Variants in DLG2 observed in about 807,000 individuals in gnomAD.
DLG2 encodes the protein discs large MAGUK scaffold protein 2, also known as disks large homolog 2.
Under a neutral mutation model 132.5 loss-of-function variants are expected in DLG2, and 45 were observed. That is an observed-to-expected ratio of 0.34 (90% CI 0.27 to 0.44). DLG2 has a LOEUF of 0.44. DLG2 is among the 20% of genes least tolerant of loss of function. DLG2 has a pLI of 1.00. For missense variants in DLG2, 1,045 were observed against 1,196.9 expected, an observed-to-expected ratio of 0.87 and a Z score of 1.87; for synonymous variants, 424 against 419.6, an observed-to-expected ratio of 1.01 and a Z score of -0.13.
Position 84,402,129 on chromosome 11 carries a change from G to C in DLG2, c.519+132441C>G, listed in dbSNP as rs114168481. ...TGGCTTAATCAAAAATTAAATACCTGAAAATGTTTTCCATCAAGAGAAATT... is the reference window on the plus strand; with the variant it reads ...TGGCTTAATCAAAAATTAAATACCTCAAAATGTTTTCCATCAAGAGAAATT... On this transcript the variant is annotated intron_variant, in intron 7 of 27. Coordinates refer to ENST00000376104, the MANE Select transcript of DLG2 (RefSeq NM_001142699.3). 1.8e-3 allele frequency among the ~76,000 whole-genome samples: 280 copies of C among 152,266 alleles called. 1 individual carries two copies. The highest frequency in any genetic ancestry group is 6.8e-3 in the Middle Eastern group (2 of 294).
At chr11:83,571,982 T>C (rs979468233) in intron 19 of DLG2, among the ~76,000 whole-genome samples, 1 of 152,062 alleles carries the variant, frequency 6.6e-6, no homozygotes, top group Non-Finnish European at 1.5e-5. Context: ...ACTCTCTGTA[T>C]GGTGTGATTC....
chr11:84,827,010 C>T (rs989081043), intron 6 of DLG2, among the ~76,000 whole-genome samples: 1 of 151,696 alleles, frequency 6.6e-6, no homozygotes, highest in East Asian at 2.0e-4. Context: ...TAACAAAACT[C>T]AATTTTTTTA....
At chr11:84,432,338 TATG>T (rs2098987178) in intron 7 of DLG2, among the ~76,000 whole-genome samples, 1 of 152,174 alleles carries the variant, frequency 6.6e-6, no homozygotes, top group Admixed American at 6.5e-5. Flanking sequence ...AGGTACAAGG[TATG>T]ATGACAGAGA....
At chr11:83,956,436 C>T (rs2086858746) in intron 14 of DLG2, among the ~76,000 whole-genome samples, 1 of 152,220 alleles carries the variant, frequency 6.6e-6, no homozygotes, top group Admixed American at 6.5e-5. Context: ...GCACCCTCAC[C>T]TGGATGCCAC....
intron 3 of DLG2, among the ~76,000 whole-genome samples, chr11:85,581,394 C>T (rs1037970157): frequency 6.6e-6 from 1 of 151,918 alleles, no homozygotes; most frequent in East Asian, 1.9e-4. Flanking sequence ...AGACAGATTG[C>T]CTGCACTCAG....
At chr11:84,554,681 G>C (rs1372288487) in intron 6 of DLG2, among the ~76,000 whole-genome samples, 1 of 152,072 alleles carries the variant, frequency 6.6e-6, no homozygotes, top group Non-Finnish European at 1.5e-5. Flanking sequence ...AGGATGGGGA[G>C]GTTGCGGTGA....
chr11:84,974,111 G>T (rs1051966391), intron 6 of DLG2, among the ~76,000 whole-genome samples: 1 of 152,148 alleles, frequency 6.6e-6, no homozygotes, highest in Non-Finnish European at 1.5e-5. Context: ...GAAAGCCAAG[G>T]GTGCAGGTTG....
intron 4 of DLG2, among the ~76,000 whole-genome samples, chr11:85,191,986 G>A (rs2080619576): frequency 6.6e-6 from 1 of 152,024 alleles, no homozygotes; most frequent in Admixed American, 6.5e-5. Context: ...ATGTATTATT[G>A]CTATTTTACA....
At chr11:83,861,783 T>C (rs1052821903) in intron 16 of DLG2, among the ~76,000 whole-genome samples, 1 of 151,982 alleles carries the variant, frequency 6.6e-6, no homozygotes, top group Non-Finnish European at 1.5e-5. Flanking sequence ...CTAAAATAAA[T>C]AGAAAGAATG....
chr11:83,714,554 C>G (rs1378188928), intron 18 of DLG2, among the ~76,000 whole-genome samples: 1 of 152,126 alleles, frequency 6.6e-6, no homozygotes, highest in Admixed American at 6.5e-5. Context: ...GAATGTCAGT[C>G]AGAGAAGCCA....
intron 3 of DLG2, among the ~76,000 whole-genome samples, chr11:85,423,527 T>G (rs988160162): frequency 6.6e-6 from 1 of 151,438 alleles, no homozygotes; most frequent in East Asian, 1.9e-4. Flanking sequence ...GTTAACAGGG[T>G]GGGTAGGGAA....
rs1053682900 is a variant in DLG2, at chr11:83,795,416, A to T, written c.1723-8624T>A. On this transcript the variant is annotated intron_variant, in intron 17 of 27. Coordinates refer to ENST00000376104, the MANE Select transcript of DLG2 (RefSeq NM_001142699.3). ...GAGTGAGACTCTTTATAAGAAAAAA[A>T]ATATCTATATCTATATCTATATCTA... 5.2e-4 allele frequency among the ~76,000 whole-genome samples: 71 copies of T among 136,346 alleles called. 1 individual carries two copies. Among genetic ancestry groups the T allele is most frequent in the African/African-American group, 1.8e-3 (69 of 38,120 alleles). The allele number at this position is 136,346 out of a possible 152,430, so 89.4% of individuals were successfully genotyped here. A position where few individuals can be genotyped will look rare whatever the true frequency, so the allele number is the denominator to read the frequency against.
Position 83,980,016 on chromosome 11 carries a change from A to G in DLG2, c.1056+490T>C, listed in dbSNP as rs865965222. Among the ~76,000 whole-genome samples the G allele has an allele frequency of 2.6e-4, 39 of 152,334 alleles. 1 individual carries two copies. The Middle Eastern group carries it at 0.014, about 53-fold the overall frequency. ...TGTACTTTTGAAATCTCTTACTCAT[A>G]AATCTGCTGTCTCTTCTTTTCAATT... On this transcript the variant is annotated intron_variant, in intron 12 of 27. Transcript: ENST00000376104.
chr11:84,460,911 C>T (rs2099078477), intron 7 of DLG2, among the ~76,000 whole-genome samples: 1 of 150,638 alleles, frequency 6.6e-6, no homozygotes, highest in Admixed American at 6.6e-5. Context: ...AATTACTGCA[C>T]TGAACTACCC....
intron 17 of DLG2, among the ~76,000 whole-genome samples, chr11:83,807,379 T>A (rs941308086): frequency 6.6e-6 from 1 of 152,150 alleles, no homozygotes; most frequent in African/African-American, 2.4e-5. Flanking sequence ...GCCTCCCAAT[T>A]TAGCACATAG....
chr11:84,166,827 C>A, intron 8 of DLG2: 1 of 472,938 alleles, frequency 2.1e-6, no homozygotes, highest in South Asian at 1.6e-5. Context: ...TTTGAACTTG[C>A]CTTGGTGTCT....
chr11:85,380,898 C>A (rs1267628884), intron 3 of DLG2, among the ~76,000 whole-genome samples: 1 of 152,164 alleles, frequency 6.6e-6, no homozygotes, highest in Non-Finnish European at 1.5e-5. Context: ...CCTGAAGCAG[C>A]AACCACAAAC....
intron 3 of DLG2, among the ~76,000 whole-genome samples, chr11:85,372,214 A>G (rs2085038570): frequency 6.6e-6 from 1 of 152,210 alleles, no homozygotes; most frequent in Non-Finnish European, 1.5e-5. Flanking sequence ...TGATGGGAAT[A>G]AGTAGAATAT....
In DLG2 at chr11:84,813,159, T is replaced by C. The variant is rs531589242; in HGVS notation, c.358-278428A>G. Among the ~76,000 whole-genome samples the C allele has an allele frequency of 3.3e-5, 5 of 151,986 alleles. No homozygotes were observed. The South Asian group carries it at 6.2e-4, about 19-fold the overall frequency. ...TCATTTATTGTAGGTTTAATCTTTT[T>C]ACAAAATTAAATACATACACACACA... On this transcript the variant is annotated intron_variant, in intron 6 of 27. Coordinates refer to ENST00000376104, the MANE Select transcript of DLG2 (RefSeq NM_001142699.3).
Sources: allele counts gnomAD v4.1 joint callset (sites outside exome capture counted in the v4.1 genomes callset), GRCh38; gene constraint gnomAD v4.1.1; transcripts MANE v1.5; gene names NCBI Gene and HGNC (gene_info 2026-07-23, HGNC 2026-07-21).